The following ADIPOR1 variants were observed in gnomAD, a reference collection of about 807,000 sequenced individuals.
ADIPOR1 encodes adiponectin receptor 1.
A neutral mutation model predicts 37.5 loss-of-function variants in ADIPOR1; 15 were observed. The observed-to-expected ratio is 0.40, with a 90% CI of 0.27 to 0.62. The LOEUF (loss-of-function observed/expected upper bound fraction) is 0.62, where lower values mean the gene tolerates loss of function less well. Ranked by LOEUF, ADIPOR1 falls within the 20% of genes least tolerant of loss-of-function variation. The probability of loss-of-function intolerance (pLI) is 0.42; values close to 1 mark genes in which losing one functional copy is unlikely to be tolerated. For synonymous variants in ADIPOR1, 173 were observed against 173.2 expected (o/e 1.00, Z 0.01); for missense variants, 286 against 478.0 (o/e 0.60, Z 3.75).
chr1:202,941,954 T>C lies in ADIPOR1; in HGVS notation c.999+71A>G. On this transcript the variant is annotated intron_variant, in intron 7 of 7. Transcript: ENST00000340990. ...TATATGATCCCAGTCTCATACCACC[T>C]TTTCCTCAGCCCTTTAACTTTGGGC... is the stretch of plus-strand genomic sequence containing the variant. 5 of 1,483,068 alleles carry C rather than the reference T, an allele frequency of 3.4e-6. 1 individual carries two copies. The highest frequency in any genetic ancestry group is 4.6e-6 in the Non-Finnish European group (5 of 1,095,064). 91.9% of individuals were successfully genotyped at this position (1,483,068 alleles called of 1,614,324 possible). A position where few individuals can be genotyped will look rare whatever the true frequency, so the allele number is the denominator to read the frequency against.
At chr1:202,950,391 T>C (rs1654523001) in intron 2 of ADIPOR1, among the ~76,000 whole-genome samples, 1 of 151,944 alleles carries the variant, frequency 6.6e-6, no homozygotes, top group Non-Finnish European at 1.5e-5. Context: ...CTAGGCAACA[T>C]GGCGAGATCT....
In ADIPOR1 at chr1:202,942,192, C is replaced by T. The variant is rs1437214609; in HGVS notation, c.832G>A (p.Gly278Ser). ...GTAAAGTGCATGGTGGGCACGACGC[C>T]ACTCAAGCCAAGTCCCAGGAACACG... ...AGVFLGLGLS[G>S]VVPTMHFTIA... Residue 278 changes from glycine (G) to serine (S), a missense_variant, in exon 7 of 8, where the codon GGC (glycine) becomes AGC (serine). Transcript: ENST00000340990. The T allele has an allele frequency of 6.2e-7, 1 of 1,614,076 alleles. No individual in the cohort carries two copies. Among genetic ancestry groups the T allele is most frequent in the East Asian group, 2.2e-5 (1 of 44,890 alleles).
intron 1 of ADIPOR1, among the ~76,000 whole-genome samples, chr1:202,954,593 T>G (rs1654705717): frequency 6.6e-6 from 1 of 152,196 alleles, no homozygotes; most frequent in Non-Finnish European, 1.5e-5. Context: ...TACTGCAAAT[T>G]ATATTTGAGC....
intron 1 of ADIPOR1, among the ~76,000 whole-genome samples, chr1:202,955,704 A>G (rs1354827730): frequency 6.6e-6 from 1 of 151,898 alleles, no homozygotes; most frequent in Non-Finnish European, 1.5e-5. Flanking sequence ...CCTGGACTCA[A>G]GCAATTCTCC....
In ADIPOR1 at chr1:202,941,297, T is replaced by C. The variant is rs966767762; in HGVS notation, c.*276A>G. 4.3e-5 allele frequency: 11 copies of C among 256,846 alleles called. No homozygotes were observed. Among genetic ancestry groups the C allele is most frequent in the East Asian group, 7.5e-5 (1 of 13,264 alleles). 15.9% of individuals were successfully genotyped at this position (256,846 alleles called of 1,614,324 possible). A position where few individuals can be genotyped will look rare whatever the true frequency, so the allele number is the denominator to read the frequency against. On this transcript the variant is annotated 3_prime_UTR_variant, in exon 8 of 8. Coordinates refer to ENST00000340990, the MANE Select transcript of ADIPOR1 (RefSeq NM_015999.6). Reference sequence around the variant, plus strand: ...TGGAGGAGAGGGTAAAATCTCAACATGAGTTTCAAAGTACTGTCTCTGTGA... The same window carrying C: ...TGGAGGAGAGGGTAAAATCTCAACACGAGTTTCAAAGTACTGTCTCTGTGA...
At chr1:202,945,596 A>G (rs1654276391) in intron 4 of ADIPOR1, among the ~76,000 whole-genome samples, 1 of 152,240 alleles carries the variant, frequency 6.6e-6, no homozygotes, top group South Asian at 2.1e-4. Context: ...AACTCTAAAG[A>G]TATGGAACCA....
In ADIPOR1 at chr1:202,941,544, T is replaced by C. The variant is rs1242958815; in HGVS notation, c.*29A>G. 2 of 1,585,290 alleles carry C rather than the reference T, an allele frequency of 1.3e-6. No homozygotes were observed. Among genetic ancestry groups the C allele is most frequent in the Non-Finnish European group, 1.7e-6 (2 of 1,170,546 alleles). On this transcript the variant is annotated 3_prime_UTR_variant, in exon 8 of 8. Transcript: ENST00000340990. The stretch of plus-strand genomic sequence containing the variant: ...GTTATTTTTAAAAGCACTTGGGAAG[T>C]TCCTCCTCCACCCCGCAGGTGGGAA...
intron 7 of ADIPOR1, 147 bp from the exon 8 acceptor site, chr1:202,941,848 AAC>A (rs1654102112): frequency 1.6e-6 from 2 of 1,280,638 alleles, no homozygotes; most frequent in Admixed American, 2.8e-5. Flanking sequence ...AAGTTTTAAA[AAC>A]ACAGTCCTTG....
At chr1:202,943,019 C>T (rs909064284) in intron 6 of ADIPOR1, among the ~76,000 whole-genome samples, 2 of 151,968 alleles carry the variant, frequency 1.3e-5, no homozygotes, top group African/African-American at 2.4e-5. Flanking sequence ...CAGGCACCTG[C>T]CACAACGCCG....
intron 2 of ADIPOR1, among the ~76,000 whole-genome samples, chr1:202,949,498 T>A (rs1654473520): frequency 6.9e-6 from 1 of 145,774 alleles, no homozygotes; most frequent in African/African-American, 2.5e-5. Flanking sequence ...GAGAATGGCA[T>A]GAACCCTGGA....
intron 1 of ADIPOR1, among the ~76,000 whole-genome samples, chr1:202,956,291 T>G (rs1418043096): frequency 6.6e-6 from 1 of 152,212 alleles, no homozygotes; most frequent in East Asian, 1.9e-4. Flanking sequence ...GACAGGATAA[T>G]GTAGCAGGAG....
rs1365909243 is a variant in ADIPOR1, at chr1:202,946,500, A to C, written c.369T>G (p.Ala123=). The change falls in exon 4 of 8, where the codon GCT becomes GCG. Residue 123 remains alanine (A), a synonymous_variant. Coordinates refer to ENST00000340990, the MANE Select transcript of ADIPOR1 (RefSeq NM_015999.6). ...GHRPPMPSFR[A]CFKSIFRIHT... is the part of the protein sequence containing the mutation. ...GAATGCGGAAGATGCTCTTGAAGCA[A>C]GCCCGAAAGGAGGGCATGGGAGGTC... 1 of 1,614,140 alleles carries C rather than the reference A, an allele frequency of 6.2e-7. No individual in the cohort carries two copies. The highest frequency in any genetic ancestry group is 1.7e-5 in the Admixed American group (1 of 60,020).
chr1:202,954,075 T>A (rs1654686335), intron 1 of ADIPOR1, among the ~76,000 whole-genome samples: 1 of 152,210 alleles, frequency 6.6e-6, no homozygotes, highest in African/African-American at 2.4e-5. Context: ...CATTTACTAT[T>A]AGTTCTTCCG....
Position 202,943,859 on chromosome 1 carries a change from C to T in ADIPOR1, c.704G>A (p.Arg235Gln), listed in dbSNP as rs1183770351. The change falls in exon 6 of 8, where the codon CGG (arginine) becomes CAG (glutamine). Residue 235 changes from arginine to glutamine, a missense_variant. Transcript: ENST00000340990. ...YYSFYCSPQP[R>Q]LIYLSIVCVL... ...ACAGACGATGGAGAGGTAGATGAGC[C>T]GTGGCTGTGGGGAGCAGTAGAAGGA... 6 of 1,613,988 alleles carry T rather than the reference C, an allele frequency of 3.7e-6. No individual in the cohort carries two copies. The highest frequency in any genetic ancestry group is 4.5e-5 in the East Asian group (2 of 44,892).
rs1009947676 is a variant in ADIPOR1 at position 202,941,915 on chromosome 1, G to A, written c.999+110C>T. 17 of 1,251,328 alleles carry A rather than the reference G, an allele frequency of 1.4e-5. No individual in the cohort carries two copies. In the African/African-American group the frequency reaches 2.3e-4, roughly 17 times the overall value. The allele number at this position is 1,251,328 out of a possible 1,614,324, so 77.5% of individuals were successfully genotyped here. On this transcript the variant is annotated intron_variant, in intron 7 of 7. Transcript: ENST00000340990. ...TGATTTACCTTCAATGCACATATAT[G>A]TACCTCCAAACACTATATGATCCCA...
rs759008232 is a variant in ADIPOR1 at position 202,941,401 on chromosome 1, G to C, written c.*172C>G. ...ATCCCCAGCTAGGAGAATGGAAATGGAAAGTTTATTGCCCAGTGGGTGTGA... is the reference window on the plus strand; with the variant it reads ...ATCCCCAGCTAGGAGAATGGAAATGCAAAGTTTATTGCCCAGTGGGTGTGA... On this transcript the variant is annotated 3_prime_UTR_variant, in exon 8 of 8. Transcript: ENST00000340990. 4.2e-6 allele frequency: 3 copies of C among 708,102 alleles called. No homozygotes were observed. The highest frequency in any genetic ancestry group is 3.2e-5 in the East Asian group (1 of 30,870). The allele number at this position is 708,102 out of a possible 1,614,324, so 43.9% of individuals were successfully genotyped here.
At chr1:202,946,364 A>T in intron 4 of ADIPOR1, 75 bp downstream of exon 4, 6 of 1,572,054 alleles carry the variant, frequency 3.8e-6, no homozygotes, top group Non-Finnish European at 4.4e-6. Context: ...GATCTGAACA[A>T]CTTTGTTGGG....
At chr1:202,950,814 C>T (rs1654546078) in intron 2 of ADIPOR1, 116 bp downstream of exon 2, 1 of 1,388,860 alleles carries the variant, frequency 7.2e-7, no homozygotes, top group Non-Finnish European at 1.0e-6. Context: ...TGGATAGAGA[C>T]ATTTCCAGGA....
chr1:202,945,068 A>G lies in ADIPOR1; in HGVS notation c.532T>C (p.Leu178=). 6.2e-7 allele frequency: 1 copy of G among 1,614,196 alleles called. No individual in the cohort carries two copies. The highest frequency in any genetic ancestry group is 1.6e-4 in the Middle Eastern group (1 of 6,062). ...QEKVVFGMFF[L]GAVLCLSFSW... ...AAGCTGAGGCAGAGCACTGCACCCA[A>G]AAAGAACATCCCAAAAACCACCTTC... is the stretch of plus-strand genomic sequence containing the variant. Residue 178 remains leucine, a synonymous_variant, in exon 5 of 8, where the codon TTG becomes CTG. Transcript: ENST00000340990.
Sources: allele counts gnomAD v4.1 joint callset (sites outside exome capture counted in the v4.1 genomes callset), GRCh38; gene constraint gnomAD v4.1.1; transcripts MANE v1.5; gene names NCBI Gene and HGNC (gene_info 2026-07-23, HGNC 2026-07-21).